Variants in TANGO6 observed in about 807,000 individuals in gnomAD.
TANGO6 encodes the protein transport and golgi organization 6 homolog.
TANGO6 carries 90 observed loss-of-function variants against 114.2 expected under a neutral mutation model. The observed-to-expected ratio is 0.79, with a 90% CI of 0.66 to 0.94. TANGO6 has a LOEUF of 0.94. TANGO6 is among the 40% of genes least tolerant of loss of function. The pLI is 0.00. For missense variants in TANGO6, 1,274 were observed against 1,315.3 expected (o/e 0.97, Z 0.49); for synonymous variants, 477 against 509.8 (o/e 0.94, Z 0.87).
Position 68,860,058 on chromosome 16 carries a change from T to C in TANGO6, c.269T>C (p.Val90Ala). ...KAEWPQNSVD[V>A]TWSFTSQTLL... is the part of the protein sequence containing the mutation. The stretch of plus-strand genomic sequence containing the variant: ...GAATGGCCACAAAACTCTGTGGATG[T>C]CACTTGGAGTTTTACCTCTCAAACC... The change falls in exon 2 of 18, where the codon GTC becomes GCC. Residue 90 changes from valine to alanine, a missense_variant. By Grantham distance (64) the Val-to-Ala change is moderately conservative. Coordinates refer to ENST00000261778, the MANE Select transcript of TANGO6 (RefSeq NM_024562.2). 6.2e-7 allele frequency: 1 copy of C among 1,614,018 alleles called. No homozygotes were observed. The highest frequency in any genetic ancestry group is 8.5e-7 in the Non-Finnish European group (1 of 1,179,890).
intron 16 of TANGO6, chr16:69,026,152 T>TGG (rs1187883617): frequency 1.3e-5 from 2 of 152,214 alleles, no homozygotes; most frequent in African/African-American, 4.8e-5. Context: ...CAGGCGCCCA[T>TGG]CACCACACCC....
intron 14 of TANGO6, among the ~76,000 whole-genome samples, chr16:68,938,278 G>T (rs1378165683): frequency 6.6e-6 from 1 of 152,200 alleles, no homozygotes; most frequent in Non-Finnish European, 1.5e-5. Flanking sequence ...TTTGTAAACA[G>T]GAGAAATGTT....
chr16:68,894,931 A>G lies in TANGO6; in HGVS notation c.1378-5503A>G, dbSNP rs558754555. Among the ~76,000 whole-genome samples, 8 of 152,012 alleles carry G rather than the reference A, an allele frequency of 5.3e-5. No individual in the cohort carries two copies. The East Asian group carries it at 1.5e-3, about 29-fold the overall frequency. ...GCAACCACTAATCTGCTTTCCCTCT[A>G]TGTGGATTGTGAATGGATTTTGTCT... is the stretch of plus-strand genomic sequence containing the variant. On this transcript the variant is annotated intron_variant, in intron 7 of 17. Coordinates refer to ENST00000261778, the MANE Select transcript of TANGO6 (RefSeq NM_024562.2).
At chr16:68,966,110 A>G (rs951443984) in intron 14 of TANGO6, among the ~76,000 whole-genome samples, 2 of 152,172 alleles carry the variant, frequency 1.3e-5, no homozygotes, top group Non-Finnish European at 2.9e-5. Context: ...GCACACACCT[A>G]TAGTCCCAGC....
At chr16:68,906,047 G>T (rs1343257013) in intron 9 of TANGO6, among the ~76,000 whole-genome samples, 1 of 151,978 alleles carries the variant, frequency 6.6e-6, no homozygotes, top group Non-Finnish European at 1.5e-5. Context: ...GGGCATGGTG[G>T]TGGGCGCCTG....
chr16:68,924,890 C>G (rs1963146550), intron 12 of TANGO6, among the ~76,000 whole-genome samples: 1 of 152,112 alleles, frequency 6.6e-6, no homozygotes, highest in Non-Finnish European at 1.5e-5. Context: ...AGTAAATACC[C>G]CCATACAGGT....
chr16:68,846,196 T>A (rs1961799720), intron 1 of TANGO6, among the ~76,000 whole-genome samples: 2 of 151,912 alleles, frequency 1.3e-5, no homozygotes, highest in African/African-American at 4.8e-5. Flanking sequence ...GGCTAATTTT[T>A]TGTACTTTTA....
intron 6 of TANGO6, among the ~76,000 whole-genome samples, chr16:68,878,937 A>G (rs1597001721): frequency 6.6e-6 from 1 of 151,958 alleles, no homozygotes; most frequent in Non-Finnish European, 1.5e-5. Flanking sequence ...TTAGCCAGGC[A>G]TGGTGGCAAG....
At chr16:68,856,218 A>T (rs1375970924) in intron 1 of TANGO6, among the ~76,000 whole-genome samples, 10 of 152,248 alleles carry the variant, frequency 6.6e-5, no homozygotes, top group Non-Finnish European at 2.9e-5. Flanking sequence ...ACCACTAAGT[A>T]TGATGGTAAC....
intron 14 of TANGO6, among the ~76,000 whole-genome samples, chr16:68,941,259 A>T (rs1269681318): frequency 2.0e-5 from 3 of 152,254 alleles, no homozygotes; most frequent in Non-Finnish European, 4.4e-5. Flanking sequence ...GAAATGATAC[A>T]TAGCTTAAGA....
chr16:68,999,657 T>C (rs1173850575), intron 15 of TANGO6, among the ~76,000 whole-genome samples: 1 of 152,248 alleles, frequency 6.6e-6, no homozygotes, highest in Non-Finnish European at 1.5e-5. Context: ...ACAAAAACTT[T>C]GTTTTATACT....
chr16:68,893,720 A>C (rs1316820219), intron 7 of TANGO6, among the ~76,000 whole-genome samples: 6 of 136,596 alleles, frequency 4.4e-5, no homozygotes, highest in African/African-American at 1.7e-4. Context: ...TGGGCGACAG[A>C]GTGAAACTGT....
chr16:68,937,016 C>T (rs1291126895), intron 14 of TANGO6, among the ~76,000 whole-genome samples: 1 of 152,112 alleles, frequency 6.6e-6, no homozygotes, highest in East Asian at 1.9e-4. Flanking sequence ...AAGGTAGATA[C>T]AAGATGAAAT....
At chr16:68,845,247 C>A (rs1188252346) in intron 1 of TANGO6, among the ~76,000 whole-genome samples, 1 of 152,086 alleles carries the variant, frequency 6.6e-6, no homozygotes, top group African/African-American at 2.4e-5. Context: ...GGATTACAGG[C>A]CTGAGCCACT....
chr16:68,898,246 T>A (rs1040448240), intron 7 of TANGO6, among the ~76,000 whole-genome samples: 1 of 152,170 alleles, frequency 6.6e-6, no homozygotes, highest in African/African-American at 2.4e-5. Flanking sequence ...GCTGGGCTTA[T>A]GGAGATTAGA....
At chr16:68,938,829 T>A (rs1963322915) in intron 14 of TANGO6, among the ~76,000 whole-genome samples, 1 of 152,068 alleles carries the variant, frequency 6.6e-6, no homozygotes, top group African/African-American at 2.4e-5. Context: ...TTAACAGTTC[T>A]ATAAGCATTA....
chr16:68,890,512 C>T (rs546123669), intron 7 of TANGO6, among the ~76,000 whole-genome samples: 33 of 152,328 alleles, frequency 2.2e-4, no homozygotes, highest in African/African-American at 7.7e-4. Context: ...TACTGACTTC[C>T]CTGTGCTCTT....
At chr16:69,025,329 GGA>G (rs1286728964) in intron 16 of TANGO6, among the ~76,000 whole-genome samples, 1 of 152,204 alleles carries the variant, frequency 6.6e-6, no homozygotes, top group East Asian at 1.9e-4. Flanking sequence ...GAAGGGAGCT[GGA>G]GAGAGGACAT....
chr16:68,927,855 C>G lies in TANGO6; in HGVS notation c.2415C>G (p.Pro805=). Residue 805 remains proline (P), a synonymous_variant, in exon 13 of 18, where the codon CCC becomes CCG. Transcript: ENST00000261778. The part of the protein sequence containing the change: ...LEQQQSHETA[P]QTGLQSNAPI... ...AACAGCAGAGCCATGAGACAGCCCC[C>G]CAGACAGGCCTGCAGTCAAATGCTC... The G allele has an allele frequency of 1.2e-6, 2 of 1,613,978 alleles. No individual in the cohort carries two copies. The highest frequency in any genetic ancestry group is 8.5e-7 in the Non-Finnish European group (1 of 1,179,878).
Sources: allele counts gnomAD v4.1 joint callset (sites outside exome capture counted in the v4.1 genomes callset), GRCh38; gene constraint gnomAD v4.1.1; transcripts MANE v1.5; gene names NCBI Gene and HGNC (gene_info 2026-07-23, HGNC 2026-07-21).